Variants in ABCA2 observed in about 807,000 individuals in gnomAD.
ABCA2 encodes the protein ATP binding cassette subfamily A member 2.
In ABCA2, 84 loss-of-function variants were observed where a neutral mutation model predicts 262.8. The observed-to-expected ratio is 0.32, with a 90% CI of 0.27 to 0.38. The LOEUF is 0.38. ABCA2 is among the 10% of genes least tolerant of loss of function. ABCA2 has a pLI of 1.00. For missense variants in ABCA2, 2,662 were observed against 3,405.9 expected (o/e 0.78, Z 5.44); for synonymous variants, 1,696 against 1,502.9 (o/e 1.13, Z -2.97).
rs371922976 is a variant in ABCA2 at position 137,023,827 on chromosome 9, C to A, written c.163+11G>T. On this transcript the variant is annotated intron_variant, in intron 3 of 48. Transcript: ENST00000341511. ...CCCAGGCCAGCCAGGAGGAGGTGGCCGCTCACTTACAGACTGCATGCCAGC... is the reference window on the plus strand; with the variant it reads ...CCCAGGCCAGCCAGGAGGAGGTGGCAGCTCACTTACAGACTGCATGCCAGC... The A allele has an allele frequency of 2.6e-6, 2 of 783,082 alleles. No homozygotes were observed. The highest frequency in any genetic ancestry group is 3.7e-5 in the Admixed American group (2 of 53,644). 48.5% of individuals were successfully genotyped at this position (783,082 alleles called of 1,614,324 possible).
intron 40 of ABCA2, 77 bp from the exon 41 acceptor site, chr9:137,010,448 G>GC: frequency 1.1e-6 from 1 of 927,766 alleles, no homozygotes; most frequent in Non-Finnish European, 1.3e-6. Flanking sequence ...CCCAGACCCT[G>GC]CCCCACCTCC....
rs779115442 is a variant in ABCA2, at chr9:137,016,651, C to T, written c.2846G>A (p.Ser949Asn). ...GSGRTEAWEWSWPWARTPRLS... is the reference protein window; with the variant it reads ...GSGRTEAWEWNWPWARTPRLS... Reference sequence around the variant, plus strand: ...GCGGGGGGTGCGTGCCCACGGCCAGCTCCACTCCCAGGCTTCTGTCCGCCC... The same window carrying T: ...GCGGGGGGTGCGTGCCCACGGCCAGTTCCACTCCCAGGCTTCTGTCCGCCC... Residue 949 changes from serine (S) to asparagine (N), a missense_variant, in exon 20 of 49, where the codon AGC (serine) becomes AAC (asparagine). Ser to Asn is a conservative substitution (Grantham distance 46, BLOSUM62 1). Transcript: ENST00000341511. The T allele has an allele frequency of 6.8e-6, 11 of 1,607,304 alleles. No homozygotes were observed. The East Asian group carries it at 2.2e-4, about 33-fold the overall frequency.
intron 45 of ABCA2, 152 bp downstream of exon 45, chr9:137,009,218 C>T (rs1400162331): frequency 2.8e-6 from 2 of 713,190 alleles, no homozygotes; most frequent in Admixed American, 2.7e-5. Context: ...CCTCCCCTGG[C>T]CCCACTGCCC....
Position 137,013,916 on chromosome 9 carries a change from A to C in ABCA2, c.4363T>G (p.Ser1455Ala). 6.2e-7 allele frequency: 1 copy of C among 1,612,602 alleles called. No homozygotes were observed. Among genetic ancestry groups the C allele is most frequent in the Non-Finnish European group, 8.5e-7 (1 of 1,179,892 alleles). Reference protein sequence around the residue: ...VKRFHCARRNSKALFSQILLP... With the variant: ...VKRFHCARRNAKALFSQILLP... Reference sequence around the variant, plus strand: ...AAGATCTGGGAGAAGAGTGCCTTGGAGTTGCGGCGGGCGCAGTGGAAGCGT... The same window carrying C: ...AAGATCTGGGAGAAGAGTGCCTTGGCGTTGCGGCGGGCGCAGTGGAAGCGT... The change falls in exon 28 of 49, where the codon TCC becomes GCC. Residue 1455 changes from serine to alanine, a missense_variant. By Grantham distance (99) the Ser-to-Ala change is moderately conservative. Around this residue, in one of 12 missense-constraint regions of ABCA2, gnomAD observed 75 missense variants for 118.3 expected, o/e 0.63. Coordinates refer to ENST00000341511, the MANE Select transcript of ABCA2 (RefSeq NM_001606.5).
In ABCA2 at chr9:137,021,631, C is replaced by G. The variant is rs953521564; in HGVS notation, c.679-21G>C. Reference sequence around the variant, plus strand: ...AGCTCCTGGGATGGGCACAGGGGTCCGTGGAGCCACGGCAAGGACTTTGTC... The same window carrying G: ...AGCTCCTGGGATGGGCACAGGGGTCGGTGGAGCCACGGCAAGGACTTTGTC... On this transcript the variant is annotated intron_variant, in intron 7 of 48. Transcript: ENST00000341511. This position sits in a 1 kb window ranked among gnomAD's most constrained non-coding sequence, Gnocchi z 6.0. 5 of 1,541,212 alleles carry G rather than the reference C, an allele frequency of 3.2e-6. No individual in the cohort carries two copies. The South Asian group carries it at 5.9e-5, about 18-fold the overall frequency.
chr9:137,024,063 G>C, intron 2 of ABCA2, 80 bp downstream of exon 2: 3 of 1,524,516 alleles, frequency 2.0e-6, no homozygotes, highest in Non-Finnish European at 2.7e-6. Context: ...GGACACCCGT[G>C]TGCAGATGTG....
In ABCA2 at chr9:137,022,378, G is replaced by C. The variant is rs1831501068; in HGVS notation, c.540C>G (p.Leu180=). 1 of 1,610,540 alleles carries C rather than the reference G, an allele frequency of 6.2e-7. No individual in the cohort carries two copies. Among genetic ancestry groups the C allele is most frequent in the Admixed American group, 1.7e-5 (1 of 59,672 alleles). ...CGGGCGGGTCCACACGGGCGGCCAA[G>C]AGTGCTTGGGCCGTGCTATTGGGCA... ...LSLPNSTAQA[L]LAARVDPPEV... is the part of the protein sequence containing the mutation. The change falls in exon 6 of 49, where the codon CTC becomes CTG. Residue 180 remains leucine (L), a synonymous_variant. Coordinates refer to ENST00000341511, the MANE Select transcript of ABCA2 (RefSeq NM_001606.5).
At position 137,019,017 on chromosome 9, in the gene ABCA2, C is replaced by T; in HGVS notation, c.1608G>A (p.Glu536=). 1 of 1,612,876 alleles carries T rather than the reference C, an allele frequency of 6.2e-7. No individual in the cohort carries two copies. Among genetic ancestry groups the T allele is most frequent in the Non-Finnish European group, 8.5e-7 (1 of 1,179,838 alleles). ...TGTCCTGTCTCAGGGCCGGCGGCAG[C>T]TCATCCAGTGACAGGTTCAGTGCCT... The part of the protein sequence containing the change: ...HPEALNLSLD[E]LPPALRQDNF... Residue 536 remains glutamate (E), a synonymous_variant, in exon 12 of 49, where the codon GAG becomes GAA. Coordinates refer to ENST00000341511, the MANE Select transcript of ABCA2 (RefSeq NM_001606.5). This position sits in a 1 kb window ranked among gnomAD's most constrained non-coding sequence, Gnocchi z 4.4.
intron 3 of ABCA2, chr9:137,023,356 C>G (rs186451289): frequency 1.4e-6 from 1 of 691,554 alleles, no homozygotes; most frequent in Non-Finnish European, 2.7e-6. Context: ...GGCACTCTCC[C>G]CCCGAAAACG....
chr9:137,021,379 G>C lies in ABCA2; in HGVS notation c.897+13C>G, dbSNP rs1164152123. The C allele has an allele frequency of 2.5e-6, 4 of 1,602,912 alleles. No individual in the cohort carries two copies. The highest frequency in any genetic ancestry group is 2.2e-4 in the Middle Eastern group (1 of 4,650). ...CAAGCAGCGCAGCGGGCAGTGGGCA[G>C]GCAGGGCCTCACCTGCTGGGAGACC... On this transcript the variant is annotated intron_variant, in intron 8 of 48. Coordinates refer to ENST00000341511, the MANE Select transcript of ABCA2 (RefSeq NM_001606.5). This position sits in a 1 kb window ranked among gnomAD's most constrained non-coding sequence, Gnocchi z 6.0.
At chr9:137,008,900 G>GCCCCCCCCCCCCCCGAGGGCCCC in intron 46 of ABCA2, 32 bp from the exon 47 acceptor site, 1 of 1,555,248 alleles carries the variant, frequency 6.4e-7, no homozygotes, top group Non-Finnish European at 8.7e-7. Context: ...GCCTGGCAGC[G>GCCCCCCCCCCCCCCGAGGGCCCC]CCCCCCCACC....
At position 137,008,699 on chromosome 9, in the gene ABCA2, G is replaced by A. The variant is rs376255327; in HGVS notation, c.7068+32C>T. ...GGCAGGGCGGGTGAGGGGAGGGGCA[G>A]GTGTGGTGCGCAGTGCCCTTGGGGC... On this transcript the variant is annotated intron_variant, in intron 47 of 48. Coordinates refer to ENST00000341511, the MANE Select transcript of ABCA2 (RefSeq NM_001606.5). 123 of 1,566,578 alleles carry A rather than the reference G, an allele frequency of 7.9e-5. No individual in the cohort carries two copies. In the African/African-American group the frequency reaches 1.5e-3, roughly 20 times the overall value.
intron 19 of ABCA2, 22 bp downstream of exon 19, chr9:137,016,898 C>T (rs1305647578): frequency 6.2e-7 from 1 of 1,608,034 alleles, no homozygotes; most frequent in Non-Finnish European, 8.5e-7. Context: ...CTCTCCCCTG[C>T]CCTCCAAGGG....
In ABCA2 at chr9:137,013,029, C is replaced by T. The variant is rs140986944; in HGVS notation, c.4840G>A (p.Val1614Ile). The T allele has an allele frequency of 7.1e-3, 10,364 of 1,458,814 alleles. 55 individuals are homozygous for T. Among genetic ancestry groups the T allele is most frequent in the Non-Finnish European group, 8.8e-3 (9,616 of 1,097,424 alleles). 90.4% of individuals were successfully genotyped at this position (1,458,814 alleles called of 1,614,324 possible). Residue 1614 changes from valine (V) to isoleucine (I), a missense_variant, in exon 30 of 49, where the codon GTC (valine) becomes ATC (isoleucine). Physicochemically the swap from Val to Ile is conservative, Grantham distance 29. Transcript: ENST00000341511. The part of the protein sequence containing the change: ...SPDEDLQAWN[V>I]SLPPTAGPEM... ...GGCCCAGCGGTGGGCGGCAGGGAGA[C>T]GTTCCAGGCCTGCAGGTCCTCATCC...
Position 137,023,847 on chromosome 9 carries a change from G to A in ABCA2, c.161-7C>T, listed in dbSNP as rs1327701524. On this transcript the variant is annotated splice_polypyrimidine_tract_variant and splice_region_variant and intron_variant, in intron 2 of 48. Transcript: ENST00000341511. ...GTGGCCGCTCACTTACAGACTGCAT[G>A]CCAGCCGAGGACAAGAGACCATGCG... 1.2e-6 allele frequency: 1 copy of A among 829,636 alleles called. No individual in the cohort carries two copies. Among genetic ancestry groups the A allele is most frequent in the South Asian group, 1.4e-5 (1 of 71,946 alleles). The allele number at this position is 829,636 out of a possible 1,614,324, so 51.4% of individuals were successfully genotyped here. A position where few individuals can be genotyped will look rare whatever the true frequency, so the allele number is the denominator to read the frequency against.
At position 137,019,212 on chromosome 9, in the gene ABCA2, C is replaced by G. The variant is rs752142910; in HGVS notation, c.1520G>C (p.Gly507Ala). ...SAEIRSFLEQ[G>A]RLQQHLRWLQ... ...CCAGCGCAGGTGTTGCTGCAGCCTGCCCTGCTCCAGGAAGCTGCGGATCTC... is the reference window on the plus strand; with the variant it reads ...CCAGCGCAGGTGTTGCTGCAGCCTGGCCTGCTCCAGGAAGCTGCGGATCTC... Residue 507 changes from glycine to alanine, a missense_variant, in exon 11 of 49, where the codon GGC becomes GCC. Transcript: ENST00000341511. The surrounding 1 kb of genome is among the most constrained non-coding windows in gnomAD (Gnocchi z 4.4). 1.9e-6 allele frequency: 3 copies of G among 1,612,624 alleles called. No individual in the cohort carries two copies. Among genetic ancestry groups the G allele is most frequent in the African/African-American group, 1.3e-5 (1 of 75,032 alleles).
intron 47 of ABCA2, 51 bp from the exon 48 acceptor site, chr9:137,008,673 G>C (rs1160264503): frequency 1.9e-6 from 3 of 1,563,940 alleles, no homozygotes; most frequent in Non-Finnish European, 2.6e-6. Flanking sequence ...GGGTGAGGAG[G>C]GGCAGGGCGG....
At position 137,020,923 on chromosome 9, in the gene ABCA2, G is replaced by A. The variant is rs751916487; in HGVS notation, c.1036C>T (p.Leu346=). The A allele has an allele frequency of 6.4e-7, 1 of 1,565,904 alleles. No homozygotes were observed. Among genetic ancestry groups the A allele is most frequent in the South Asian group, 1.2e-5 (1 of 85,502 alleles). The change falls in exon 9 of 49, where the codon CTA becomes TTA. Residue 346 remains leucine (L), a synonymous_variant. Transcript: ENST00000341511. ...CCAGTGCAGGCACCCTGGGGCAGTA[G>A]CAGGGCCAGGGCCGACAGGACATCC... ...DVDVLSALAL[L]LPQGACTGRT... is the part of the protein sequence containing the mutation.
intron 5 of ABCA2, 29 bp from the exon 6 acceptor site, chr9:137,022,507 G>A: frequency 2.5e-6 from 4 of 1,606,338 alleles, no homozygotes; most frequent in Non-Finnish European, 3.4e-6. Flanking sequence ...GAGGCTGAGA[G>A]GCCGCTGCAC....
Sources: allele counts gnomAD v4.1 joint callset, GRCh38; gene constraint gnomAD v4.1.1; regional missense constraint gnomAD v4.1.1; non-coding constraint Gnocchi (gnomAD v3.1); transcripts MANE v1.5; gene names NCBI Gene and HGNC (gene_info 2026-07-23, HGNC 2026-07-21).